SPIDR: variants seen among roughly 807,000 people sequenced by gnomAD.
SPIDR encodes scaffold protein involved in DNA repair, also known as DNA repair-scaffolding protein.
SPIDR carries 93 observed loss-of-function variants against 104.6 expected under a neutral mutation model. The ratio of observed to expected loss-of-function variants is 0.89; its 90% CI spans 0.75 to 1.06. The LOEUF (loss-of-function observed/expected upper bound fraction) is 1.06. SPIDR is among the 50% of genes least tolerant of loss of function. The probability of loss-of-function intolerance (pLI) is 0.00; values close to 1 mark genes in which losing one functional copy is unlikely to be tolerated. For missense variants in SPIDR, 1,154 were observed against 1,111.2 expected (o/e 1.04, Z -0.55); for synonymous variants, 431 against 416.9 (o/e 1.03, Z -0.41).
intron 5 of SPIDR, among the ~76,000 whole-genome samples, chr8:47,346,058 G>A (rs1554617785): frequency 6.6e-6 from 1 of 152,174 alleles, no homozygotes; most frequent in Non-Finnish European, 1.5e-5. Flanking sequence ...CAAAGGGAAT[G>A]CTTCTAGTTT....
At chr8:47,733,660 C>G (rs1255304488) in intron 19 of SPIDR, among the ~76,000 whole-genome samples, 1 of 152,016 alleles carries the variant, frequency 6.6e-6, no homozygotes, top group East Asian at 1.9e-4. Context: ...CCTGGTGTCC[C>G]CTCCAGTCCA....
At chr8:47,602,966 G>A (rs1044732751) in intron 10 of SPIDR, among the ~76,000 whole-genome samples, 5 of 152,260 alleles carry the variant, frequency 3.3e-5, no homozygotes, top group Admixed American at 6.5e-5. Context: ...AGGTGTTGTA[G>A]GTCAGAGTAA....
intron 8 of SPIDR, among the ~76,000 whole-genome samples, chr8:47,478,652 A>T (rs2076544864): frequency 6.6e-6 from 1 of 152,214 alleles, no homozygotes; most frequent in African/African-American, 2.4e-5. Flanking sequence ...TAAGTCTTCA[A>T]GATTCTTCTC....
At chr8:47,639,176 A>T (rs1285167037) in intron 10 of SPIDR, among the ~76,000 whole-genome samples, 1 of 152,218 alleles carries the variant, frequency 6.6e-6, no homozygotes, top group African/African-American at 2.4e-5. Context: ...CTTTGGTGAA[A>T]TGACACTAAC....
intron 1 of SPIDR, among the ~76,000 whole-genome samples, chr8:47,270,616 T>G (rs1024371422): frequency 2.0e-5 from 3 of 152,054 alleles, no homozygotes; most frequent in Non-Finnish European, 2.9e-5. Context: ...TTCTTTGTTG[T>G]TTTTCTATTC....
At chr8:47,439,020 G>A (rs2068879190) in intron 7 of SPIDR, among the ~76,000 whole-genome samples, 1 of 152,126 alleles carries the variant, frequency 6.6e-6, no homozygotes, top group Admixed American at 6.5e-5. Flanking sequence ...AAGGCAGTAT[G>A]TTGTACCCTT....
intron 8 of SPIDR, among the ~76,000 whole-genome samples, chr8:47,453,651 C>A (rs2072347468): frequency 1.3e-5 from 2 of 152,080 alleles, no homozygotes; most frequent in Non-Finnish European, 2.9e-5. Context: ...AACTGGCTAG[C>A]CATATGTAGA....
intron 8 of SPIDR, among the ~76,000 whole-genome samples, chr8:47,575,601 C>T (rs868540298): frequency 3.4e-5 from 5 of 145,170 alleles, no homozygotes; most frequent in East Asian, 2.0e-4. Context: ...GAGCCGAGAT[C>T]GCGCCACTGC....
At chr8:47,386,073 T>C (rs1209376467) in intron 5 of SPIDR, among the ~76,000 whole-genome samples, 1 of 152,068 alleles carries the variant, frequency 6.6e-6, no homozygotes, top group Non-Finnish European at 1.5e-5. Flanking sequence ...TTTTTCTCTC[T>C]GGATAGGTAG....
chr8:47,728,615 T>G, intron 17 of SPIDR: 1 of 254,568 alleles, frequency 3.9e-6, no homozygotes. Context: ...AGAGCAGACT[T>G]TCTCTTCCGG....
chr8:47,629,586 C>T (rs908916318), intron 10 of SPIDR, among the ~76,000 whole-genome samples: 1 of 152,188 alleles, frequency 6.6e-6, no homozygotes, highest in East Asian at 1.9e-4. Context: ...AGCCCCTTCT[C>T]TACTAAAGAT....
chr8:47,544,330 A>G (rs530775997), intron 8 of SPIDR, among the ~76,000 whole-genome samples: 13 of 152,180 alleles, frequency 8.5e-5, no homozygotes, highest in African/African-American at 2.9e-4. Context: ...TATATTTTTC[A>G]TATCTTCTCA....
intron 5 of SPIDR, among the ~76,000 whole-genome samples, chr8:47,357,526 A>G (rs930735500): frequency 3.3e-5 from 5 of 152,180 alleles, no homozygotes; most frequent in Non-Finnish European, 7.4e-5. Context: ...GCTCAAATCA[A>G]ACTTCTTTAT....
chr8:47,357,383 G>C (rs967136944), intron 5 of SPIDR, among the ~76,000 whole-genome samples: 1 of 152,118 alleles, frequency 6.6e-6, no homozygotes, highest in Non-Finnish European at 1.5e-5. Context: ...GTCCTGCGTG[G>C]GAGATGGCAG....
chr8:47,580,159 A>G (rs903191953), intron 8 of SPIDR, among the ~76,000 whole-genome samples: 10 of 152,238 alleles, frequency 6.6e-5, no homozygotes, highest in Non-Finnish European at 5.9e-5. Flanking sequence ...TGTTGTGTAT[A>G]TGAGCAGGTG....
intron 8 of SPIDR, among the ~76,000 whole-genome samples, chr8:47,549,160 A>G (rs2154396269): frequency 6.6e-6 from 1 of 152,300 alleles, no homozygotes; most frequent in African/African-American, 2.4e-5. Flanking sequence ...TTCTTAATCC[A>G]GTCTATCATT....
At chr8:47,299,312 CTT>C (rs2041562458) in intron 5 of SPIDR, among the ~76,000 whole-genome samples, 1 of 152,144 alleles carries the variant, frequency 6.6e-6, no homozygotes, top group African/African-American at 2.4e-5. Flanking sequence ...TATCCTGAGA[CTT>C]TGCTGAAGTT....
intron 1 of SPIDR, among the ~76,000 whole-genome samples, chr8:47,266,203 C>T (rs2033984771): frequency 2.0e-5 from 3 of 149,300 alleles, no homozygotes. Flanking sequence ...GATCTCGGCT[C>T]ACTGCAACTT....
At chr8:47,278,878 A>C (rs1308649335) in intron 1 of SPIDR, among the ~76,000 whole-genome samples, 2 of 152,016 alleles carry the variant, frequency 1.3e-5, no homozygotes, top group African/African-American at 4.8e-5. Context: ...AGCAGGATTC[A>C]GGATAGCTTT....
Sources: gnomAD v4.1 joint callset for allele counts (sites outside exome capture counted in the v4.1 genomes callset) on GRCh38, gnomAD v4.1.1 for gene constraint, MANE v1.5 for transcripts, NCBI Gene and HGNC (gene_info 2026-07-23, HGNC 2026-07-21) for gene names.